Variants in USP17L10 observed in about 807,000 individuals in gnomAD.
The protein encoded by USP17L10 is ubiquitin carboxyl-terminal hydrolase 17-like protein 10.
For synonymous variants in USP17L10, 3 were observed against 5.9 expected, an observed-to-expected ratio of 0.50 and a Z score of 0.72; for missense variants, 6 against 16.4, an observed-to-expected ratio of 0.37 and a Z score of 1.10.
chr4:9,211,669 A>T lies in USP17L10; in HGVS notation c.1013A>T (p.Tyr338Phe). The T allele has an allele frequency of 8.1e-6, 2 of 248,200 alleles. No individual in the cohort carries two copies. The highest frequency in any genetic ancestry group is 1.1e-5 in the Non-Finnish European group (2 of 175,774). The allele number at this position is 248,200 out of a possible 1,614,324, so 15.4% of individuals were successfully genotyped here. A position where few individuals can be genotyped will look rare whatever the true frequency, so the allele number is the denominator to read the frequency against. Reference protein sequence around the residue: ...WSCHNGHYSSYVKAQEGQWYK... With the variant: ...WSCHNGHYSSFVKAQEGQWYK... ...TGTCACAACGGACATTACTCCTCTT[A>T]TGTCAAAGCTCAAGAAGGCCAGTGG... The change falls in exon 1 of 1, where the codon TAT (tyrosine) becomes TTT (phenylalanine). Residue 338 changes from tyrosine (Y) to phenylalanine (F), a missense_variant. Coordinates refer to ENST00000417945, the MANE Select transcript of USP17L10 (RefSeq NM_001256852.1).
In USP17L10 at chr4:9,212,033, G is replaced by T. The variant is rs1713903237; in HGVS notation, c.1377G>T (p.Val459=). ...EFNVRRVEGT[V]PPDVLVIHQS... ...ACGTCAGAAGAGTCGAAGGTACGGT[G>T]CCTCCCGACGTACTTGTGATTCATC... is the stretch of plus-strand genomic sequence containing the variant. Residue 459 remains valine (V), a synonymous_variant, in exon 1 of 1, where the codon GTG becomes GTT. Coordinates refer to ENST00000417945, the MANE Select transcript of USP17L10 (RefSeq NM_001256852.1). 4.8e-5 allele frequency: 13 copies of T among 273,512 alleles called. 6 individuals are homozygous for T. The Admixed American group carries it at 8.7e-4, about 18-fold the overall frequency. The allele number at this position is 273,512 out of a possible 1,614,324, so 16.9% of individuals were successfully genotyped here.
Position 9,211,834 on chromosome 4 carries a change from C to T in USP17L10, c.1178C>T (p.Ala393Val). 1.7e-5 allele frequency: 4 copies of T among 242,280 alleles called. 2 individuals are homozygous for T. The highest frequency in any genetic ancestry group is 2.3e-5 in the Non-Finnish European group (4 of 170,908). 15.0% of individuals were successfully genotyped at this position (242,280 alleles called of 1,614,324 possible). A position where few individuals can be genotyped will look rare whatever the true frequency, so the allele number is the denominator to read the frequency against. Residue 393 changes from alanine (A) to valine (V), a missense_variant, in exon 1 of 1, where the codon GCC (alanine) becomes GTC (valine). By Grantham distance (64) the Ala-to-Val change is moderately conservative (BLOSUM62 0). Coordinates refer to ENST00000417945, the MANE Select transcript of USP17L10 (RefSeq NM_001256852.1). ...GTGTCAAGAGGCAGGGAACCAAGAG[C>T]CCTTGGCGTAGAAGACACAGACAGG... is the stretch of plus-strand genomic sequence containing the variant. The part of the protein sequence containing the change: ...ESVSRGREPR[A>V]LGVEDTDRRA...
Position 9,211,408 on chromosome 4 carries a change from C to T in USP17L10, c.752C>T (p.Ala251Val), listed in dbSNP as rs759914455. ...VKPEELNGEN[A>V]YHCGVCLQRA... is the part of the protein sequence containing the mutation. ...CCCGAAGAACTCAATGGAGAGAATG[C>T]CTATCATTGTGGTGTTTGTCTCCAG... The change falls in exon 1 of 1, where the codon GCC (alanine) becomes GTC (valine). Residue 251 changes from alanine to valine, a missense_variant. By Grantham distance (64) the Ala-to-Val change is moderately conservative. Coordinates refer to ENST00000417945, the MANE Select transcript of USP17L10 (RefSeq NM_001256852.1). 3 of 153,902 alleles carry T rather than the reference C, an allele frequency of 1.9e-5. 1 individual carries two copies. Among genetic ancestry groups the T allele is most frequent in the Non-Finnish European group, 3.2e-5 (3 of 92,868 alleles). The allele number at this position is 153,902 out of a possible 1,614,324, so 9.5% of individuals were successfully genotyped here.
Position 9,212,145 on chromosome 4 carries a change from C to A in USP17L10, c.1489C>A (p.Gln497Lys), listed in dbSNP as rs1577270641. The A allele has an allele frequency of 7.3e-6, 2 of 273,192 alleles. 1 individual carries two copies. Among genetic ancestry groups the A allele is most frequent in the Admixed American group, 1.4e-4 (2 of 14,774 alleles). 16.9% of individuals were successfully genotyped at this position (273,192 alleles called of 1,614,324 possible). ...LNLSSTTPTD[Q>K]ESMNTGTLAS... is the part of the protein sequence containing the mutation. ...CCTCTCTTCGACGACCCCGACAGAT[C>A]AGGAGTCCATGAACACTGGCACACT... is the stretch of plus-strand genomic sequence containing the variant. The change falls in exon 1 of 1, where the codon CAG (glutamine) becomes AAG (lysine). Residue 497 changes from glutamine to lysine, a missense_variant. Transcript: ENST00000417945.
chr4:9,211,502 A>T lies in USP17L10; in HGVS notation c.846A>T (p.Arg282Ser), dbSNP rs1407257775. 2 of 275,624 alleles carry T rather than the reference A, an allele frequency of 7.3e-6. 1 individual carries two copies. The highest frequency in any genetic ancestry group is 6.4e-4 in the African/African-American group (2 of 3,102). 17.1% of individuals were successfully genotyped at this position (275,624 alleles called of 1,614,324 possible). Residue 282 changes from arginine (R) to serine (S), a missense_variant, in exon 1 of 1, where the codon AGA becomes AGT. By Grantham distance (110) the Arg-to-Ser change is moderately radical. Coordinates refer to ENST00000417945, the MANE Select transcript of USP17L10 (RefSeq NM_001256852.1). ...SAKVLILVLK[R>S]FPDVTGNKIA... The stretch of plus-strand genomic sequence containing the variant: ...AGGTCCTCATCCTTGTATTGAAGAG[A>T]TTCCCCGATGTCACAGGCAACAAAA...
At position 9,211,812 on chromosome 4, in the gene USP17L10, T is replaced by C; in HGVS notation, c.1156T>C (p.Ser386Pro). ...ATGGGAAAGACACAGTGAGAGTGTG[T>C]CAAGAGGCAGGGAACCAAGAGCCCT... ...SEWERHSESV[S>P]RGREPRALGV... The change falls in exon 1 of 1, where the codon TCA (serine) becomes CCA (proline). Residue 386 changes from serine (S) to proline (P), a missense_variant. Physicochemically the swap from Ser to Pro is moderately conservative, Grantham distance 74 (BLOSUM62 -1). Coordinates refer to ENST00000417945, the MANE Select transcript of USP17L10 (RefSeq NM_001256852.1). 1 of 193,692 alleles carries C rather than the reference T, an allele frequency of 5.2e-6. No homozygotes were observed. 12.0% of individuals were successfully genotyped at this position (193,692 alleles called of 1,614,324 possible).
In USP17L10 at chr4:9,211,120, G is replaced by C; in HGVS notation, c.464G>C (p.Arg155Thr). 3 of 274,186 alleles carry C rather than the reference G, an allele frequency of 1.1e-5. 1 individual carries two copies. The highest frequency in any genetic ancestry group is 1.5e-5 in the Non-Finnish European group (3 of 197,930). 17.0% of individuals were successfully genotyped at this position (274,186 alleles called of 1,614,324 possible). A position where few individuals can be genotyped will look rare whatever the true frequency, so the allele number is the denominator to read the frequency against. ...CAGGCATTGGCTGCTGGCTTCCATA[G>C]AGGCAAGCAGGAAGATGCCCATGAA... is the stretch of plus-strand genomic sequence containing the variant. ...PSQALAAGFH[R>T]GKQEDAHEFL... The change falls in exon 1 of 1, where the codon AGA (arginine) becomes ACA (threonine). Residue 155 changes from arginine (R) to threonine (T), a missense_variant. Transcript: ENST00000417945.
In USP17L10 at chr4:9,211,530, GC is replaced by G. The variant is rs761757579; in HGVS notation, c.876del (p.Lys293ArgfsTer71). On this transcript the variant is annotated frameshift_variant, in exon 1 of 1. Transcript: ENST00000417945. LOFTEE classifies it low-confidence loss of function (END_TRUNC). ...CCCCGATGTCACAGGCAACAAAATT[GC>G]CAAGAATGTGCAATATCCTGAGTGC... ...RFPDVTGNKI[A>X]KNVQYPECLD... The G allele has an allele frequency of 2.0e-4, 56 of 274,748 alleles. 18 individuals are homozygous for G. The highest frequency in any genetic ancestry group is 1.9e-4 in the Non-Finnish European group (38 of 197,910). 17.0% of individuals were successfully genotyped at this position (274,748 alleles called of 1,614,324 possible).
rs371373089 is a variant in USP17L10 at position 9,211,725 on chromosome 4, T to G, written c.1069T>G (p.Ser357Ala). Residue 357 changes from serine to alanine, a missense_variant, in exon 1 of 1, where the codon TCT (serine) becomes GCT (alanine). Ser to Ala is a moderately conservative substitution (Grantham distance 99). Coordinates refer to ENST00000417945, the MANE Select transcript of USP17L10 (RefSeq NM_001256852.1). Reference protein sequence around the residue: ...YKMDDAEVTASSITSVLSQQA... With the variant: ...YKMDDAEVTAASITSVLSQQA... ...AATGGATGATGCCGAGGTCACCGCCTCTAGCATCACTTCTGTCCTGAGTCA... is the reference window on the plus strand; with the variant it reads ...AATGGATGATGCCGAGGTCACCGCCGCTAGCATCACTTCTGTCCTGAGTCA... 2.5e-4 allele frequency: 32 copies of G among 129,826 alleles called. 7 individuals are homozygous for G. Among genetic ancestry groups the G allele is most frequent in the African/African-American group, 4.8e-4 (1 of 2,084 alleles). The allele number at this position is 129,826 out of a possible 1,614,324, so 8.0% of individuals were successfully genotyped here.
Position 9,211,809 on chromosome 4 carries a change from GT to G in USP17L10, c.1154del (p.Val385GlyfsTer12). 5.6e-6 allele frequency: 1 copy of G among 178,104 alleles called. No individual in the cohort carries two copies. Among genetic ancestry groups the G allele is most frequent in the Admixed American group, 7.9e-5 (1 of 12,610 alleles). 11.0% of individuals were successfully genotyped at this position (178,104 alleles called of 1,614,324 possible). On this transcript the variant is annotated frameshift_variant, in exon 1 of 1. Coordinates refer to ENST00000417945, the MANE Select transcript of USP17L10 (RefSeq NM_001256852.1). LOFTEE classifies it low-confidence loss of function (END_TRUNC). ...TGAATGGGAAAGACACAGTGAGAGT[GT>G]GTCAAGAGGCAGGGAACCAAGAGCC... Reference protein sequence around the residue: ...KSEWERHSESVSRGREPRALG... With the variant: ...KSEWERHSESXSRGREPRALG...
rs1713866645 is a variant in USP17L10 at position 9,210,964 on chromosome 4, C to A, written c.308C>A (p.Pro103Gln). The change falls in exon 1 of 1, where the codon CCA becomes CAA. Residue 103 changes from proline to glutamine, a missense_variant. Coordinates refer to ENST00000417945, the MANE Select transcript of USP17L10 (RefSeq NM_001256852.1). ...ASLQCLTYKP[P>Q]LANYMLFREH... is the part of the protein sequence containing the mutation. ...CTGCAGTGCCTGACATACAAACCGCCACTTGCCAACTACATGCTGTTCCGG... is the reference window on the plus strand; with the variant it reads ...CTGCAGTGCCTGACATACAAACCGCAACTTGCCAACTACATGCTGTTCCGG... The A allele has an allele frequency of 1.1e-5, 3 of 276,316 alleles. 1 individual carries two copies. Among genetic ancestry groups the A allele is most frequent in the Non-Finnish European group, 1.0e-5 (2 of 199,136 alleles). The allele number at this position is 276,316 out of a possible 1,614,324, so 17.1% of individuals were successfully genotyped here.
At position 9,212,131 on chromosome 4, in the gene USP17L10, C is replaced by T. The variant is rs1242045272; in HGVS notation, c.1475C>T (p.Thr492Met). Residue 492 changes from threonine to methionine, a missense_variant, in exon 1 of 1, where the codon ACG becomes ATG. Coordinates refer to ENST00000417945, the MANE Select transcript of USP17L10 (RefSeq NM_001256852.1). ...AGCTCCCTGCTAAACCTCTCTTCGA[C>T]GACCCCGACAGATCAGGAGTCCATG... is the stretch of plus-strand genomic sequence containing the variant. ...QQSSLLNLSSTTPTDQESMNT... is the reference protein window; with the variant it reads ...QQSSLLNLSSMTPTDQESMNT... 1.1e-5 allele frequency: 3 copies of T among 273,024 alleles called. 1 individual carries two copies. Among genetic ancestry groups the T allele is most frequent in the Non-Finnish European group, 1.5e-5 (3 of 197,444 alleles). 16.9% of individuals were successfully genotyped at this position (273,024 alleles called of 1,614,324 possible).
chr4:9,211,471 C>A lies in USP17L10; in HGVS notation c.815C>A (p.Ser272Tyr), dbSNP rs1256228070. 2 of 268,314 alleles carry A rather than the reference C, an allele frequency of 7.5e-6. No individual in the cohort carries two copies. The highest frequency in any genetic ancestry group is 6.7e-5 in the Admixed American group (1 of 14,974). 16.6% of individuals were successfully genotyped at this position (268,314 alleles called of 1,614,324 possible). A position where few individuals can be genotyped will look rare whatever the true frequency, so the allele number is the denominator to read the frequency against. ...TCCAAGACGTTAACTTTACACAACT[C>A]TGCCAAGGTCCTCATCCTTGTATTG... ...PASKTLTLHN[S>Y]AKVLILVLKR... Residue 272 changes from serine (S) to tyrosine (Y), a missense_variant, in exon 1 of 1, where the codon TCT (serine) becomes TAT (tyrosine). Coordinates refer to ENST00000417945, the MANE Select transcript of USP17L10 (RefSeq NM_001256852.1).
rs751773860 is a variant in USP17L10, at chr4:9,211,653, G to T, written c.997G>T (p.Gly333Ter). Residue 333 changes from glycine to a stop codon, truncating the protein, a stop_gained, in exon 1 of 1, where the codon GGA (glycine) becomes TGA (stop). Transcript: ENST00000417945. LOFTEE classifies it low-confidence loss of function (END_TRUNC). ...CCACGCTGGGTGGAGTTGTCACAAC[G>T]GACATTACTCCTCTTATGTCAAAGC... is the stretch of plus-strand genomic sequence containing the variant. ...LVHAGWSCHN[G>*]HYSSYVKAQE... The T allele has an allele frequency of 2.0e-5, 5 of 255,254 alleles. 2 individuals are homozygous for T. The Admixed American group carries it at 2.1e-4, about 11-fold the overall frequency. The allele number at this position is 255,254 out of a possible 1,614,324, so 15.8% of individuals were successfully genotyped here.
rs750657136 is a variant in USP17L10 at position 9,210,665 on chromosome 4, C to G, written c.9C>G (p.Asp3Glu). 1.7e-5 allele frequency: 10 copies of G among 593,886 alleles called. No homozygotes were observed. The highest frequency in any genetic ancestry group is 1.5e-4 in the South Asian group (8 of 54,558). 36.8% of individuals were successfully genotyped at this position (593,886 alleles called of 1,614,324 possible). A position where few individuals can be genotyped will look rare whatever the true frequency, so the allele number is the denominator to read the frequency against. The change falls in exon 1 of 1, where the codon GAC (aspartate) becomes GAG (glutamate). Residue 3 changes from aspartate to glutamate, a missense_variant. Physicochemically the swap from Asp to Glu is conservative, Grantham distance 45 (BLOSUM62 2). Coordinates refer to ENST00000417945, the MANE Select transcript of USP17L10 (RefSeq NM_001256852.1). MEDDSLYLGGEWQ... is the reference protein window; with the variant it reads MEEDSLYLGGEWQ... ...TCCTTGTTCCAGTCGACATGGAGGA[C>G]GACTCACTCTACTTGGGAGGTGAGT... is the stretch of plus-strand genomic sequence containing the variant.
In USP17L10 at chr4:9,210,956, C is replaced by G. The variant is rs759637493; in HGVS notation, c.300C>G (p.Tyr100Ter). 3.5e-3 allele frequency: 966 copies of G among 276,268 alleles called. 449 individuals are homozygous for G. The South Asian group carries it at 0.038, about 11-fold the overall frequency. 17.1% of individuals were successfully genotyped at this position (276,268 alleles called of 1,614,324 possible). Reference sequence around the variant, plus strand: ...ACGCTTCCCTGCAGTGCCTGACATACAAACCGCCACTTGCCAACTACATGC... The same window carrying G: ...ACGCTTCCCTGCAGTGCCTGACATAGAAACCGCCACTTGCCAACTACATGC... ...YVNASLQCLT[Y>*]KPPLANYMLF... The change falls in exon 1 of 1, where the codon TAC becomes TAG. Residue 100 changes from tyrosine to a stop codon, truncating the protein, a stop_gained. Coordinates refer to ENST00000417945, the MANE Select transcript of USP17L10 (RefSeq NM_001256852.1). LOFTEE classifies it low-confidence loss of function (END_TRUNC).
In USP17L10 at chr4:9,211,050, A is replaced by G; in HGVS notation, c.394A>G (p.Ile132Val). The G allele has an allele frequency of 1.4e-5, 4 of 276,996 alleles. 2 individuals carry two copies. The highest frequency in any genetic ancestry group is 2.0e-5 in the Non-Finnish European group (4 of 199,604). 17.2% of individuals were successfully genotyped at this position (276,996 alleles called of 1,614,324 possible). Residue 132 changes from isoleucine (I) to valine (V), a missense_variant, in exon 1 of 1, where the codon ATC becomes GTC. Ile to Val is a conservative substitution (Grantham distance 29). Coordinates refer to ENST00000417945, the MANE Select transcript of USP17L10 (RefSeq NM_001256852.1). Reference sequence around the variant, plus strand: ...CATGCTCTGTACTATGCAAGCTCACATCACAAGGGCCCTCCACATTCCTGG... The same window carrying G: ...CATGCTCTGTACTATGCAAGCTCACGTCACAAGGGCCCTCCACATTCCTGG... ...GCMLCTMQAH[I>V]TRALHIPGHV... is the part of the protein sequence containing the mutation.
Sources: gnomAD v4.1 joint callset for allele counts on GRCh38, gnomAD v4.1.1 for gene constraint, MANE v1.5 for transcripts, NCBI Gene and HGNC (gene_info 2026-07-23, HGNC 2026-07-21) for gene names.